The following BRD7 variants were observed in gnomAD, a reference collection of about 807,000 sequenced individuals.
The protein encoded by BRD7 is bromodomain containing 7.
BRD7 carries 15 observed loss-of-function variants against 82.1 expected under a neutral mutation model. That is an observed-to-expected ratio of 0.18 (90% confidence interval 0.12 to 0.28). The LOEUF is 0.28. BRD7 is among the 10% of genes least tolerant of loss of function. BRD7 has a pLI of 1.00. For missense variants in BRD7, 638 were observed against 779.9 expected (o/e 0.82, Z 2.17); for synonymous variants, 232 against 266.9 (o/e 0.87, Z 1.27).
chr16:50,356,301 G>A (rs545887617), intron 2 of BRD7, among the ~76,000 whole-genome samples: 1 of 152,312 alleles, frequency 6.6e-6, no homozygotes, highest in East Asian at 1.9e-4. Flanking sequence ...GCATATACCA[G>A]AGAAATTTCC....
intron 2 of BRD7, among the ~76,000 whole-genome samples, chr16:50,355,995 A>T (rs1204530632): frequency 8.5e-5 from 13 of 152,198 alleles, no homozygotes; most frequent in Admixed American, 7.9e-4. Context: ...TCCAAAAAAG[A>T]AATAGATAAG....
chr16:50,330,647 T>C (rs1012784719), intron 8 of BRD7, among the ~76,000 whole-genome samples: 1 of 152,208 alleles, frequency 6.6e-6, no homozygotes, highest in Non-Finnish European at 1.5e-5. Flanking sequence ...GTCATGTGTA[T>C]GTGATGTATC....
At chr16:50,355,996 A>G (rs2038716256) in intron 2 of BRD7, among the ~76,000 whole-genome samples, 1 of 152,202 alleles carries the variant, frequency 6.6e-6, no homozygotes, top group African/African-American at 2.4e-5. Flanking sequence ...CCAAAAAAGA[A>G]ATAGATAAGT....
At chr16:50,368,058 C>T (rs2039216019) in intron 2 of BRD7, 32 bp downstream of exon 2, 2 of 1,611,192 alleles carry the variant, frequency 1.2e-6, no homozygotes, top group Non-Finnish European at 1.7e-6. Context: ...GCAGTGCCGT[C>T]CGCAAAGCCA....
chr16:50,349,448 G>A (rs1369335354), intron 5 of BRD7: 1 of 410,456 alleles, frequency 2.4e-6, no homozygotes, highest in Non-Finnish European at 4.9e-6. Context: ...AAAGTGTGTA[G>A]CACTTCCCCC....
intron 7 of BRD7, among the ~76,000 whole-genome samples, chr16:50,334,301 G>A (rs2037698576): frequency 6.6e-6 from 1 of 152,208 alleles, no homozygotes; most frequent in Non-Finnish European, 1.5e-5. Context: ...ACATGGGCAC[G>A]CTGCAGTGAC....
intron 2 of BRD7, among the ~76,000 whole-genome samples, chr16:50,360,633 C>T (rs1243602793): frequency 6.6e-6 from 1 of 152,148 alleles, no homozygotes; most frequent in Non-Finnish European, 1.5e-5. Flanking sequence ...TTTATTTATA[C>T]TTTCATGTCT....
chr16:50,347,382 T>C (rs1241752561), intron 5 of BRD7, among the ~76,000 whole-genome samples: 1 of 152,190 alleles, frequency 6.6e-6, no homozygotes, highest in East Asian at 1.9e-4. Flanking sequence ...CCACTCCTAT[T>C]TAACATAGTG....
At chr16:50,357,229 T>C (rs1005229244) in intron 2 of BRD7, among the ~76,000 whole-genome samples, 5 of 152,180 alleles carry the variant, frequency 3.3e-5, no homozygotes, top group African/African-American at 1.2e-4. Context: ...TTCCAGGCCA[T>C]GTGGGTGTTG....
chr16:50,349,632 C>T (rs183651268), intron 5 of BRD7: 248 of 470,682 alleles, frequency 5.3e-4, no homozygotes, highest in African/African-American at 3.7e-3. Flanking sequence ...TTCTGTATAG[C>T]GGTGTAAGAA....
At chr16:50,322,101 A>G in intron 12 of BRD7, 63 bp from the exon 13 acceptor site, 1 of 1,341,564 alleles carries the variant, frequency 7.5e-7, no homozygotes, top group East Asian at 2.4e-5. Flanking sequence ...CAAGGAAAAG[A>G]GAAAACTGTC....
chr16:50,351,912 T>C (rs561880732), intron 4 of BRD7, among the ~76,000 whole-genome samples: 8 of 152,302 alleles, frequency 5.3e-5, no homozygotes, highest in African/African-American at 1.7e-4. Flanking sequence ...CAAACACTTG[T>C]TATTTCTTTG....
intron 13 of BRD7, among the ~76,000 whole-genome samples, chr16:50,321,546 A>T (rs111904457): frequency 2.4e-4 from 32 of 132,156 alleles, no homozygotes; most frequent in African/African-American, 5.0e-4. Context: ...CAGCCTGGGC[A>T]ACAGAGCGGG....
At chr16:50,367,428 T>C (rs921652547) in intron 2 of BRD7, among the ~76,000 whole-genome samples, 8 of 152,206 alleles carry the variant, frequency 5.3e-5, no homozygotes, top group Admixed American at 4.6e-4. Flanking sequence ...CTTGCTATGT[T>C]GCCCAGGCTG....
intron 2 of BRD7, among the ~76,000 whole-genome samples, chr16:50,358,224 A>G (rs1312573471): frequency 6.6e-6 from 1 of 152,172 alleles, no homozygotes; most frequent in Non-Finnish European, 1.5e-5. Flanking sequence ...GTCCAGCTTC[A>G]TCCTTAAAAC....
chr16:50,361,777 TA>T (rs2038944715), intron 2 of BRD7: 1 of 152,204 alleles, frequency 6.6e-6, no homozygotes, highest in South Asian at 2.1e-4. Flanking sequence ...ATTCTGTGTT[TA>T]AAAAGAGACT....
chr16:50,360,321 T>G, intron 2 of BRD7, among the ~76,000 whole-genome samples: 1 of 152,228 alleles, frequency 6.6e-6, no homozygotes, highest in East Asian at 1.9e-4. Flanking sequence ...AGTACTGTCC[T>G]TCAGGTTGGT....
At chr16:50,360,420 T>C (rs1164610492) in intron 2 of BRD7, among the ~76,000 whole-genome samples, 1 of 152,242 alleles carries the variant, frequency 6.6e-6, no homozygotes, top group African/African-American at 2.4e-5. Context: ...CAGCTGATTT[T>C]AGAATCCAAT....
In BRD7 at chr16:50,367,943, T is replaced by C. The variant is rs1224716119; in HGVS notation, c.258+147A>G. ...CGACTTGCTGAAACTCATAGATGAT[T>C]CATGTCTCTATTCTGTCCTGCTCCT... On this transcript the variant is annotated intron_variant, in intron 2 of 16. Coordinates refer to ENST00000394688, the MANE Select transcript of BRD7 (RefSeq NM_013263.5). 4 of 806,814 alleles carry C rather than the reference T, an allele frequency of 5.0e-6. No homozygotes were observed. The African/African-American group carries it at 5.2e-5, about 10-fold the overall frequency. 50.0% of individuals were successfully genotyped at this position (806,814 alleles called of 1,614,324 possible).
Sources: allele counts gnomAD v4.1 joint callset (sites outside exome capture counted in the v4.1 genomes callset), GRCh38; gene constraint gnomAD v4.1.1; transcripts MANE v1.5; gene names NCBI Gene and HGNC (gene_info 2026-07-23, HGNC 2026-07-21).